The following TIAM2 variants were observed in gnomAD, a reference collection of about 807,000 sequenced individuals.
The protein encoded by TIAM2 is TIAM Rac1 associated GEF 2.
A neutral mutation model predicts 152.9 loss-of-function variants in TIAM2; 80 were observed. That is an observed-to-expected ratio of 0.52 (90% CI 0.44 to 0.63). TIAM2 has a LOEUF of 0.63. Among genes scored for constraint, TIAM2 ranks in the 30% least tolerant of loss-of-function variants. TIAM2 has a pLI of 0.00. For synonymous variants in TIAM2, 804 were observed against 838.0 expected (o/e 0.96, Z 0.70); for missense variants, 1,965 against 2,120.1 (o/e 0.93, Z 1.44).
chr6:155,189,743 A>C (rs374841784), intron 14 of TIAM2, among the ~76,000 whole-genome samples: 1 of 152,182 alleles, frequency 6.6e-6, no homozygotes, highest in Non-Finnish European at 1.5e-5. Context: ...AAAAATTGCA[A>C]TGAAGAGAAT....
rs1407290057 is a variant in TIAM2, at chr6:154,995,692, C to T, written c.-209+200C>T. Among the ~76,000 whole-genome samples the T allele has an allele frequency of 6.6e-6, 1 of 152,004 alleles. No individual in the cohort carries two copies. The highest frequency in any genetic ancestry group is 1.5e-5 in the Non-Finnish European group (1 of 67,944). ...GGGGCGCGGCCTGGCACCCTCTCCC[C>T]GGAGGGCGGCAGCGTCCGGGCACAG... On this transcript the variant is annotated intron_variant, in intron 1 of 26. Transcript: ENST00000682666. The surrounding 1 kb of genome is among the most constrained non-coding windows in gnomAD (Gnocchi z 5.2).
intron 2 of TIAM2, among the ~76,000 whole-genome samples, chr6:155,105,617 G>A (rs62427088): frequency 0.02 from 3,072 of 150,692 alleles, 39 homozygotes; most frequent in Middle Eastern, 0.051. Context: ...TTTTCTGTTA[G>A]CTAATTGTTT....
intron 4 of TIAM2, among the ~76,000 whole-genome samples, chr6:155,133,380 A>G (rs1297778957): frequency 1.3e-5 from 2 of 152,166 alleles, no homozygotes; most frequent in African/African-American, 4.8e-5. Context: ...AGCAACAACA[A>G]CAAAAAACTG....
Position 155,137,408 on chromosome 6 carries a change from A to C in TIAM2, c.1426A>C (p.Ile476Leu). 1 of 1,614,250 alleles carries C rather than the reference A, an allele frequency of 6.2e-7. No individual in the cohort carries two copies. The change falls in exon 5 of 27, where the codon ATA (isoleucine) becomes CTA (leucine). Residue 476 changes from isoleucine to leucine, a missense_variant. By Grantham distance (5) the Ile-to-Leu change is conservative (BLOSUM62 2). Around this residue, in one of 3 missense-constraint regions of TIAM2, gnomAD observed 1,025 missense variants for 1,119.4 expected, o/e 0.92. Transcript: ENST00000682666. ...LEMSRTNTEN[I>L]ETSTETAESS... ...AATGAGCAGGACCAACACTGAGAAC[A>C]TAGAAACATCTACAGAAACCGCCGA...
intron 9 of TIAM2, among the ~76,000 whole-genome samples, chr6:155,166,701 A>G (rs1780447495): frequency 6.6e-6 from 1 of 152,234 alleles, no homozygotes; most frequent in Non-Finnish European, 1.5e-5. Flanking sequence ...AATTGTTTTC[A>G]AAACATTTTG....
At position 155,172,676 on chromosome 6, in the gene TIAM2, A is replaced by T. The variant is rs1335329157; in HGVS notation, c.2362-4140A>T. On this transcript the variant is annotated intron_variant, in intron 9 of 26. Transcript: ENST00000682666. ...TATATATATATATATATATATATATATATATATATATTTTTTTTTTTTTTT... is the reference window on the plus strand; with the variant it reads ...TATATATATATATATATATATATATTTATATATATATTTTTTTTTTTTTTT... Among the ~76,000 whole-genome samples the T allele has an allele frequency of 5.4e-4, 7 of 13,080 alleles. 1 individual carries two copies. Among genetic ancestry groups the T allele is most frequent in the Admixed American group, 1.2e-3 (1 of 824 alleles). The allele number at this position is 13,080 out of a possible 152,430, so 8.6% of individuals were successfully genotyped here. A position where few individuals can be genotyped will look rare whatever the true frequency, so the allele number is the denominator to read the frequency against.
intron 1 of TIAM2, among the ~76,000 whole-genome samples, chr6:155,030,538 C>G (rs952214701): frequency 1.3e-5 from 2 of 152,108 alleles, no homozygotes; most frequent in African/African-American, 2.4e-5. Context: ...CCGCAAGCCT[C>G]CTGGTATTGT....
chr6:155,040,311 G>T (rs1299876369), intron 1 of TIAM2, among the ~76,000 whole-genome samples: 1 of 152,130 alleles, frequency 6.6e-6, no homozygotes, highest in East Asian at 1.9e-4. Context: ...ATGTGGCTCA[G>T]GGCTGTAATG....
chr6:155,000,606 G>C (rs1778297037), intron 1 of TIAM2, among the ~76,000 whole-genome samples: 1 of 149,524 alleles, frequency 6.7e-6, no homozygotes, highest in Non-Finnish European at 1.5e-5. Flanking sequence ...CTTACTTTAA[G>C]TAGAGAACAG....
At chr6:155,022,872 A>G (rs923564179) in intron 1 of TIAM2, among the ~76,000 whole-genome samples, 1 of 152,226 alleles carries the variant, frequency 6.6e-6, no homozygotes, top group African/African-American at 2.4e-5. Flanking sequence ...TTAGTAAAGC[A>G]TTTCGAGGGC....
chr6:155,053,394 A>G (rs536129052), intron 1 of TIAM2, among the ~76,000 whole-genome samples: 13 of 148,620 alleles, frequency 8.7e-5, no homozygotes, highest in Non-Finnish European at 1.8e-4. Context: ...ATCTCATGCG[A>G]TCCTCCTGCT....
chr6:155,245,384 GT>G (rs1783259767), intron 18 of TIAM2, among the ~76,000 whole-genome samples: 1 of 152,174 alleles, frequency 6.6e-6, no homozygotes, highest in Admixed American at 6.5e-5. Flanking sequence ...TTTGTTTCTT[GT>G]CCTTGGATTG....
intron 4 of TIAM2, among the ~76,000 whole-genome samples, chr6:155,130,815 T>C (rs1779428860): frequency 6.6e-6 from 1 of 152,178 alleles, no homozygotes; most frequent in Admixed American, 6.5e-5. Context: ...TGTGTCCTCA[T>C]GCGGCAGAGA....
chr6:155,146,404 C>T (rs1449439713), intron 6 of TIAM2, among the ~76,000 whole-genome samples: 1 of 152,000 alleles, frequency 6.6e-6, no homozygotes, highest in Non-Finnish European at 1.5e-5. Flanking sequence ...ACAGAATTTT[C>T]CCAGGTGTTC....
chr6:155,143,821 T>G (rs930586824), intron 5 of TIAM2, among the ~76,000 whole-genome samples: 3 of 152,118 alleles, frequency 2.0e-5, no homozygotes, highest in African/African-American at 7.2e-5. Context: ...AGTTTTCTCA[T>G]TTTTAGTGTG....
chr6:155,181,598 A>G (rs990658843), intron 12 of TIAM2, among the ~76,000 whole-genome samples: 8 of 151,852 alleles, frequency 5.3e-5, no homozygotes, highest in African/African-American at 1.9e-4. Flanking sequence ...GTAAAGCTGA[A>G]CTCTGTACCC....
intron 1 of TIAM2, among the ~76,000 whole-genome samples, chr6:155,024,601 G>C (rs1419982706): frequency 6.8e-6 from 1 of 147,366 alleles, no homozygotes; most frequent in African/African-American, 2.5e-5. Flanking sequence ...TATTATTGTA[G>C]ACTGAAATCT....
chr6:155,008,096 CT>C (rs201948977), intron 1 of TIAM2, among the ~76,000 whole-genome samples: 1,703 of 152,258 alleles, frequency 0.011, 24 homozygotes, highest in African/African-American at 0.039. Flanking sequence ...CATCATATGG[CT>C]TTTTCCATTG....
At chr6:155,248,246 C>G (rs540615961) in intron 20 of TIAM2, 67 bp downstream of exon 20, 2 of 1,518,212 alleles carry the variant, frequency 1.3e-6, no homozygotes, top group African/African-American at 2.8e-5. Flanking sequence ...CAGCCGTGCC[C>G]TGGGCCTGAC....
Sources: gnomAD v4.1 joint callset for allele counts (sites outside exome capture counted in the v4.1 genomes callset) on GRCh38, gnomAD v4.1.1 for gene constraint, gnomAD v4.1.1 regional missense constraint, Gnocchi (gnomAD v3.1) non-coding constraint, MANE v1.5 for transcripts, NCBI Gene and HGNC (gene_info 2026-07-23, HGNC 2026-07-21) for gene names.